Variants in EPS15L1 observed in about 807,000 individuals in gnomAD.
EPS15L1 encodes the protein epidermal growth factor receptor substrate 15-like 1.
A neutral mutation model predicts 117.1 loss-of-function variants in EPS15L1; 43 were observed. The ratio of observed to expected loss-of-function variants is 0.37; its 90% CI spans 0.29 to 0.47. The LOEUF (loss-of-function observed/expected upper bound fraction) is 0.47. Ranked by LOEUF, EPS15L1 falls within the 20% of genes least tolerant of loss-of-function variation. The probability of loss-of-function intolerance (pLI) is 0.99; values close to 1 mark genes in which losing one functional copy is unlikely to be tolerated. For synonymous variants in EPS15L1, 459 were observed against 470.5 expected (o/e 0.98, Z 0.32); for missense variants, 981 against 1,164.0 (o/e 0.84, Z 2.29).
chr19:16,382,439 A>T (rs1872232244), intron 21 of EPS15L1, among the ~76,000 whole-genome samples: 1 of 152,162 alleles, frequency 6.6e-6, no homozygotes, highest in South Asian at 2.1e-4. Flanking sequence ...TAAAAGGAAG[A>T]CAGAAAAAGC....
chr19:16,470,319 G>A (rs574942750), intron 1 of EPS15L1, among the ~76,000 whole-genome samples: 23 of 152,088 alleles, frequency 1.5e-4, no homozygotes, highest in Admixed American at 3.9e-4. Context: ...CTCGGGAGGC[G>A]GAGGTTACAG....
In EPS15L1 at chr19:16,377,211, C is replaced by T. The variant is rs1249645705; in HGVS notation, c.2291G>A (p.Gly764Glu). 5 of 1,612,582 alleles carry T rather than the reference C, an allele frequency of 3.1e-6. No homozygotes were observed. The highest frequency in any genetic ancestry group is 4.2e-6 in the Non-Finnish European group (5 of 1,179,390). The change falls in exon 22 of 24, where the codon GGA (glycine) becomes GAA (glutamate). Residue 764 changes from glycine to glutamate, a missense_variant. This residue lies in a region of EPS15L1 where 819 missense variants were observed against 949.0 expected (regional missense o/e 0.86). Transcript: ENST00000455140. ...GPFTSSLGGA[G>E]FSDDPFKSKQ... ...ACTTTTAAAGGGGTCATCTGAGAAT[C>T]CTGCCCCTCCCAAGGAGGAGGTGAA...
intron 19 of EPS15L1, among the ~76,000 whole-genome samples, chr19:16,388,968 G>T (rs1031629149): frequency 6.6e-6 from 1 of 152,028 alleles, no homozygotes; most frequent in African/African-American, 2.4e-5. Flanking sequence ...ATGACAACAG[G>T]CCTGGCACAG....
intron 2 of EPS15L1, 95 bp from the exon 3 acceptor site, chr19:16,442,076 C>T: frequency 1.4e-6 from 2 of 1,477,172 alleles, no homozygotes; most frequent in Non-Finnish European, 1.9e-6. Context: ...TGACAGTGAA[C>T]AGAAAAGGAC....
intron 7 of EPS15L1, among the ~76,000 whole-genome samples, chr19:16,431,767 A>AT (rs2092930536): frequency 6.6e-6 from 1 of 152,212 alleles, no homozygotes; most frequent in South Asian, 2.1e-4. Context: ...TGCTGGGATG[A>AT]TTACACATTG....
chr19:16,384,338 G>A (rs1307811192), intron 21 of EPS15L1: 2 of 152,298 alleles, frequency 1.3e-5, no homozygotes, highest in Non-Finnish European at 2.9e-5. Context: ...GAAGCACAAT[G>A]GTGCCGCAGC....
At chr19:16,430,799 AC>A (rs2092920322) in intron 7 of EPS15L1, among the ~76,000 whole-genome samples, 1 of 152,222 alleles carries the variant, frequency 6.6e-6, no homozygotes, top group Non-Finnish European at 1.5e-5. Flanking sequence ...ATATGGACAC[AC>A]GGGGACATGG....
intron 1 of EPS15L1, among the ~76,000 whole-genome samples, chr19:16,469,395 G>A (rs1226818601): frequency 1.3e-5 from 2 of 152,070 alleles, no homozygotes; most frequent in Non-Finnish European, 2.9e-5. Flanking sequence ...GGACGGAGGG[G>A]CCACCGGTAA....
chr19:16,369,214 G>A (rs1361056480), intron 22 of EPS15L1, among the ~76,000 whole-genome samples: 5 of 152,252 alleles, frequency 3.3e-5, no homozygotes, highest in South Asian at 2.1e-4. Flanking sequence ...CACCAGCCCC[G>A]CGCGCACTCT....
rs1184264133 is a variant in EPS15L1, at chr19:16,365,868, C to T, written c.2381-3884G>A. 6.6e-6 allele frequency among the ~76,000 whole-genome samples: 1 copy of T among 152,192 alleles called. No individual in the cohort carries two copies. Among genetic ancestry groups the T allele is most frequent in the Non-Finnish European group, 1.5e-5 (1 of 68,034 alleles). ...CCCTGGTGCCCTCCAGCCCAGGGCTCGGCACACAGTGGGCTTCAGGAGGTC... is the reference window on the plus strand; with the variant it reads ...CCCTGGTGCCCTCCAGCCCAGGGCTTGGCACACAGTGGGCTTCAGGAGGTC... On this transcript the variant is annotated intron_variant, in intron 22 of 23. Coordinates refer to ENST00000455140, the MANE Select transcript of EPS15L1 (RefSeq NM_001258374.3). This position sits in a 1 kb window ranked among gnomAD's most constrained non-coding sequence, Gnocchi z 4.9.
chr19:16,399,595 A>G (rs764401858), intron 16 of EPS15L1, among the ~76,000 whole-genome samples: 2 of 152,066 alleles, frequency 1.3e-5, no homozygotes, highest in Non-Finnish European at 2.9e-5. Context: ...GCTTCTGCCA[A>G]TTCCTGTGGT....
chr19:16,404,853 C>T lies in EPS15L1; in HGVS notation c.1267-104G>A. The T allele has an allele frequency of 1.6e-6, 2 of 1,284,994 alleles. No individual in the cohort carries two copies. Among genetic ancestry groups the T allele is most frequent in the Non-Finnish European group, 2.2e-6 (2 of 913,678 alleles). The allele number at this position is 1,284,994 out of a possible 1,614,324, so 79.6% of individuals were successfully genotyped here. A position where few individuals can be genotyped will look rare whatever the true frequency, so the allele number is the denominator to read the frequency against. On this transcript the variant is annotated intron_variant, in intron 13 of 23. Transcript: ENST00000455140. This position sits in a 1 kb window ranked among gnomAD's most constrained non-coding sequence, Gnocchi z 4.2. The stretch of plus-strand genomic sequence containing the variant: ...AGAAGTCCAGGGGAAGCCTCCGAAA[C>T]CACCCACTGTGACCGTGCTCAGGGC...
chr19:16,470,251 G>T (rs183535583), intron 1 of EPS15L1, among the ~76,000 whole-genome samples: 1 of 152,118 alleles, frequency 6.6e-6, no homozygotes, highest in Non-Finnish European at 1.5e-5. Flanking sequence ...GCCGGGTGTG[G>T]TAGCACGTGC....
At chr19:16,439,856 C>G (rs971365287) in intron 4 of EPS15L1, among the ~76,000 whole-genome samples, 16 of 151,864 alleles carry the variant, frequency 1.1e-4, no homozygotes. Context: ...CACTTAAAAT[C>G]ACTTATAAGT....
At chr19:16,418,835 T>A (rs2092785956) in intron 10 of EPS15L1, among the ~76,000 whole-genome samples, 1 of 152,090 alleles carries the variant, frequency 6.6e-6, no homozygotes, top group Non-Finnish European at 1.5e-5. Context: ...GTCTACAAAC[T>A]AGGCAGTGAG....
intron 1 of EPS15L1, among the ~76,000 whole-genome samples, chr19:16,447,105 C>G (rs1308682839): frequency 6.6e-6 from 1 of 152,208 alleles, no homozygotes; most frequent in East Asian, 1.9e-4. Context: ...GTGAGCCCAG[C>G]CCTCCCAGCA....
chr19:16,377,500 C>G (rs1004010012), intron 21 of EPS15L1, among the ~76,000 whole-genome samples: 2 of 152,190 alleles, frequency 1.3e-5, no homozygotes, highest in African/African-American at 4.8e-5. Context: ...AGAGCAGTCC[C>G]ATACCTCCAC....
At position 16,471,970 on chromosome 19, in the gene EPS15L1, C is replaced by G. The variant is rs1365279620; in HGVS notation, c.-25G>C. 3 of 1,278,798 alleles carry G rather than the reference C, an allele frequency of 2.3e-6. No homozygotes were observed. Among genetic ancestry groups the G allele is most frequent in the Non-Finnish European group, 3.0e-6 (3 of 1,014,156 alleles). The allele number at this position is 1,278,798 out of a possible 1,614,324, so 79.2% of individuals were successfully genotyped here. A position where few individuals can be genotyped will look rare whatever the true frequency, so the allele number is the denominator to read the frequency against. ...TCTTCCCGCGGACTCGGGCTCCGAG[C>G]GCCGGGGGAACGGGGGCGGGGCTGC... On this transcript the variant is annotated 5_prime_UTR_variant, in exon 1 of 24. Transcript: ENST00000455140. This position sits in a 1 kb window ranked among gnomAD's most constrained non-coding sequence, Gnocchi z 4.8.
At chr19:16,385,805 C>G (rs909776590) in intron 20 of EPS15L1, among the ~76,000 whole-genome samples, 2 of 152,224 alleles carry the variant, frequency 1.3e-5, no homozygotes, top group Non-Finnish European at 2.9e-5. Context: ...CCTTCAAACA[C>G]AGAACCCACA....
Sources: allele counts gnomAD v4.1 joint callset (sites outside exome capture counted in the v4.1 genomes callset), GRCh38; gene constraint gnomAD v4.1.1; regional missense constraint gnomAD v4.1.1; non-coding constraint Gnocchi (gnomAD v3.1); transcripts MANE v1.5; gene names NCBI Gene and HGNC (gene_info 2026-07-23, HGNC 2026-07-21).